Variants in RB1CC1 observed in about 807,000 individuals in gnomAD.
The protein encoded by RB1CC1 is RB1 inducible coiled-coil 1.
RB1CC1 carries 46 observed loss-of-function variants against 177.5 expected under a neutral mutation model. The observed-to-expected ratio is 0.26, with a 90% CI of 0.20 to 0.33. RB1CC1 has a LOEUF of 0.33. Ranked by LOEUF, RB1CC1 falls within the 10% of genes least tolerant of loss-of-function variation. RB1CC1 has a pLI of 1.00. For synonymous variants in RB1CC1, 666 were observed against 613.6 expected (o/e 1.09, Z -1.26); for missense variants, 1,703 against 1,816.3 (o/e 0.94, Z 1.13).
intron 1 of RB1CC1, among the ~76,000 whole-genome samples, chr8:52,705,890 T>C (rs1315160357): frequency 6.6e-6 from 1 of 152,162 alleles, no homozygotes; most frequent in African/African-American, 2.4e-5. Flanking sequence ...TTTAGACATT[T>C]AAAAATGTTT....
At chr8:52,711,623 T>C (rs938770566) in intron 1 of RB1CC1, among the ~76,000 whole-genome samples, 4 of 152,208 alleles carry the variant, frequency 2.6e-5, no homozygotes, top group Non-Finnish European at 5.9e-5. Context: ...TCAATTAGCA[T>C]TTCAGGAATA....
chr8:52,703,546 A>G (rs1326647546), intron 1 of RB1CC1, among the ~76,000 whole-genome samples: 1 of 152,186 alleles, frequency 6.6e-6, no homozygotes, highest in Non-Finnish European at 1.5e-5. Flanking sequence ...ATGTCATTCC[A>G]CAGCTTCCAT....
Position 52,660,637 on chromosome 8 carries a change from G to A in RB1CC1, c.1648C>T (p.Arg550Cys), listed in dbSNP as rs770511277. ...KLFRKSFLRN[R>C]LFRGLDSWPP... ...CAGGAGTCCAGTCCCCTAAACAGAC[G>A]ATTTCTTAAAAAAGACTTCCCTGTA... Residue 550 changes from arginine (R) to cysteine (C), a missense_variant, in exon 12 of 24, where the codon CGT becomes TGT. This residue lies in a region of RB1CC1 where 1,169 missense variants were observed against 1,184.7 expected (regional missense o/e 0.99). Transcript: ENST00000025008. The A allele has an allele frequency of 1.9e-6, 3 of 1,598,484 alleles. No homozygotes were observed. Among genetic ancestry groups the A allele is most frequent in the Non-Finnish European group, 1.7e-6 (2 of 1,175,306 alleles).
intron 8 of RB1CC1, among the ~76,000 whole-genome samples, chr8:52,662,787 C>A (rs114762498): frequency 0.014 from 2,082 of 152,038 alleles, 46 homozygotes; most frequent in African/African-American, 0.047. Flanking sequence ...TAACTGTATG[C>A]CTTTTTTTTC....
Position 52,656,385 on chromosome 8 carries a change from AG to A in RB1CC1, c.3443del (p.Ser1148LeufsTer8). On this transcript the variant is annotated frameshift_variant, in exon 15 of 24. Coordinates refer to ENST00000025008, the MANE Select transcript of RB1CC1 (RefSeq NM_014781.5). LOFTEE classifies it high-confidence loss of function. ...TGTTTAATTCAGCTTTAAGTATATT[AG>A]ATTCTTCTTCATGTCTACTAATTAA... The part of the protein sequence containing the change: ...SELISRHEEE[S>X]NILKAELNKV... 1 of 1,610,708 alleles carries A rather than the reference AG, an allele frequency of 6.2e-7. No individual in the cohort carries two copies. The highest frequency in any genetic ancestry group is 8.5e-7 in the Non-Finnish European group (1 of 1,179,174).
chr8:52,681,276 A>G (rs917798243), intron 5 of RB1CC1, among the ~76,000 whole-genome samples: 21 of 152,090 alleles, frequency 1.4e-4, no homozygotes, highest in Non-Finnish European at 2.5e-4. Context: ...GATTACAGGC[A>G]TAAGCTACCA....
At chr8:52,649,677 A>G (rs1850396046) in intron 15 of RB1CC1, among the ~76,000 whole-genome samples, 1 of 152,236 alleles carries the variant, frequency 6.6e-6, no homozygotes, top group East Asian at 1.9e-4. Flanking sequence ...AATTAGAATT[A>G]CAAAATTAAA....
intron 6 of RB1CC1, among the ~76,000 whole-genome samples, chr8:52,676,167 G>A (rs1853107439): frequency 6.6e-6 from 1 of 152,114 alleles, no homozygotes; most frequent in Non-Finnish European, 1.5e-5. Flanking sequence ...AGAAATGTGG[G>A]AGACTCATAC....
In RB1CC1 at chr8:52,623,906, T is replaced by G. The variant is rs1468747639; in HGVS notation, c.4708-47A>C. The G allele has an allele frequency of 2.6e-6, 3 of 1,170,558 alleles. No homozygotes were observed. The Admixed American group carries it at 5.3e-5, about 21-fold the overall frequency. 72.5% of individuals were successfully genotyped at this position (1,170,558 alleles called of 1,614,324 possible). ...GAATCACTAGAGTGATTAAACCACA[T>G]CTCTCTCTCTCACACACACACACAC... On this transcript the variant is annotated intron_variant, in intron 23 of 23. Coordinates refer to ENST00000025008, the MANE Select transcript of RB1CC1 (RefSeq NM_014781.5).
At position 52,661,709 on chromosome 8, in the gene RB1CC1, G is replaced by C. The variant is rs1425775460; in HGVS notation, c.1184C>G (p.Ala395Gly). The C allele has an allele frequency of 1.3e-6, 2 of 1,552,056 alleles. No individual in the cohort carries two copies. Among genetic ancestry groups the C allele is most frequent in the African/African-American group, 1.4e-5 (1 of 71,860 alleles). The part of the protein sequence containing the change: ...EQKELAQGFL[A>G]NQKRAENLKD... Reference sequence around the variant, plus strand: ...TAAGTTTTCAGCTCTCTTCTGATTAGCTAAAAATCCCTTTGAGAAAAAAAA... The same window carrying C: ...TAAGTTTTCAGCTCTCTTCTGATTACCTAAAAATCCCTTTGAGAAAAAAAA... Residue 395 changes from alanine (A) to glycine (G), a missense_variant, in exon 9 of 24, where the codon GCT becomes GGT. Physicochemically the swap from Ala to Gly is moderately conservative, Grantham distance 60 (BLOSUM62 0). Coordinates refer to ENST00000025008, the MANE Select transcript of RB1CC1 (RefSeq NM_014781.5).
In RB1CC1 at chr8:52,657,554, T is replaced by A; in HGVS notation, c.2275A>T (p.Met759Leu). ...GATGAATAAAGTGATTCCACCATCA[T>A]TTCTGGGCTTTGTGGATCACTTATA... ...NPISDPQSPE[M>L]MVESLYSSVI... Residue 759 changes from methionine to leucine, a missense_variant, in exon 15 of 24, where the codon ATG becomes TTG. By Grantham distance (15) the Met-to-Leu change is conservative. Around this residue, in one of 6 missense-constraint regions of RB1CC1, gnomAD observed 1,169 missense variants for 1,184.7 expected, o/e 0.99. Transcript: ENST00000025008. 6.2e-7 allele frequency: 1 copy of A among 1,614,038 alleles called. No homozygotes were observed. The highest frequency in any genetic ancestry group is 8.5e-7 in the Non-Finnish European group (1 of 1,179,992).
chr8:52,675,248 C>T (rs1219681620), intron 6 of RB1CC1, among the ~76,000 whole-genome samples: 1 of 151,822 alleles, frequency 6.6e-6, no homozygotes, highest in African/African-American at 2.4e-5. Flanking sequence ...ATATTCATAC[C>T]ACAAAACAGA....
chr8:52,633,770 AG>A (rs1590920936), intron 20 of RB1CC1, among the ~76,000 whole-genome samples: 1 of 152,176 alleles, frequency 6.6e-6, no homozygotes, highest in African/African-American at 2.4e-5. Context: ...TTAAATTCAC[AG>A]GTTAAAGCCA....
chr8:52,705,224 C>G (rs1457480900), intron 1 of RB1CC1, among the ~76,000 whole-genome samples: 1 of 152,152 alleles, frequency 6.6e-6, no homozygotes, highest in Non-Finnish European at 1.5e-5. Flanking sequence ...CCAAATTGAT[C>G]TTTATACATG....
intron 1 of RB1CC1, among the ~76,000 whole-genome samples, chr8:52,688,164 CA>C (rs1225186761): frequency 3.9e-5 from 6 of 151,980 alleles, no homozygotes; most frequent in African/African-American, 1.4e-4. Context: ...AATATGCAAT[CA>C]GTGCACCTTG....
chr8:52,653,657 C>T (rs1391039856), intron 15 of RB1CC1, among the ~76,000 whole-genome samples: 11 of 152,104 alleles, frequency 7.2e-5, no homozygotes, highest in Admixed American at 3.3e-4. Flanking sequence ...GTTCCCTCAT[C>T]GAGACAGGAA....
chr8:52,698,541 C>T (rs564938785), intron 1 of RB1CC1, among the ~76,000 whole-genome samples: 14 of 151,726 alleles, frequency 9.2e-5, no homozygotes, highest in East Asian at 3.9e-4. Context: ...TCTTGATCTC[C>T]GACCTCGTGA....
intron 15 of RB1CC1, among the ~76,000 whole-genome samples, chr8:52,653,569 C>G (rs1850813562): frequency 6.6e-6 from 1 of 152,092 alleles, no homozygotes; most frequent in Non-Finnish European, 1.5e-5. Flanking sequence ...AACACTGGCT[C>G]TGAGAAGACT....
chr8:52,651,001 C>G (rs1850526424), intron 15 of RB1CC1, among the ~76,000 whole-genome samples: 1 of 152,176 alleles, frequency 6.6e-6, no homozygotes, highest in South Asian at 2.1e-4. Context: ...TTGCTACACT[C>G]AAATTGCCAG....
Sources: allele counts gnomAD v4.1 joint callset (sites outside exome capture counted in the v4.1 genomes callset), GRCh38; gene constraint gnomAD v4.1.1; regional missense constraint gnomAD v4.1.1; transcripts MANE v1.5; gene names NCBI Gene and HGNC (gene_info 2026-07-23, HGNC 2026-07-21).